The following NMNAT2 variants were observed in gnomAD, a reference collection of about 807,000 sequenced individuals.
The protein encoded by NMNAT2 is nicotinamide/nicotinic acid mononucleotide adenylyltransferase 2.
NMNAT2 carries 11 observed loss-of-function variants against 41.6 expected under a neutral mutation model. The observed-to-expected ratio is 0.26, with a 90% CI of 0.17 to 0.44. The LOEUF (loss-of-function observed/expected upper bound fraction) is 0.44. NMNAT2 is among the 20% of genes least tolerant of loss of function. The pLI is 1.00. For synonymous variants in NMNAT2, 148 were observed against 151.2 expected, an observed-to-expected ratio of 0.98 and a Z score of 0.16; for missense variants, 288 against 407.7, an observed-to-expected ratio of 0.71 and a Z score of 2.53.
At chr1:183,285,808 C>G (rs1306679751) in intron 5 of NMNAT2, among the ~76,000 whole-genome samples, 1 of 152,170 alleles carries the variant, frequency 6.6e-6, no homozygotes, top group African/African-American at 2.4e-5. Context: ...CACAGTATTA[C>G]TGCATTAAAT....
At chr1:183,278,894 G>A (rs1217001221) in intron 7 of NMNAT2, among the ~76,000 whole-genome samples, 1 of 152,192 alleles carries the variant, frequency 6.6e-6, no homozygotes, top group Non-Finnish European at 1.5e-5. Context: ...GTGATCGACT[G>A]CCCTGGCTTT....
chr1:183,251,631 T>C lies in NMNAT2; in HGVS notation c.*1010A>G, dbSNP rs1328545139. 1.3e-5 allele frequency: 2 copies of C among 152,586 alleles called. No homozygotes were observed. The highest frequency in any genetic ancestry group is 4.8e-5 in the African/African-American group (2 of 41,380). 9.5% of individuals were successfully genotyped at this position (152,586 alleles called of 1,614,324 possible). On this transcript the variant is annotated 3_prime_UTR_variant, in exon 11 of 11. Coordinates refer to ENST00000287713, the MANE Select transcript of NMNAT2 (RefSeq NM_015039.4). ...AGGTCCCTTGGAAACCCCTGGCTGG[T>C]AGGGAACCCGCACTGTGCCATCAGC...
intron 1 of NMNAT2, among the ~76,000 whole-genome samples, chr1:183,314,376 G>C (rs1339761140): frequency 1.3e-5 from 2 of 152,168 alleles, no homozygotes; most frequent in East Asian, 3.8e-4. Flanking sequence ...CTGACTTTCA[G>C]AGCTGGAATG....
intron 7 of NMNAT2, 81 bp from the exon 8 acceptor site, chr1:183,278,710 G>A: frequency 1.0e-6 from 1 of 968,666 alleles, no homozygotes; most frequent in Non-Finnish European, 1.7e-6. Context: ...TTCCCCTGGT[G>A]AATACATAAC....
chr1:183,252,514 TG>T lies in NMNAT2; in HGVS notation c.*126del, dbSNP rs563098563. The stretch of plus-strand genomic sequence containing the variant: ...GGTTCTCTGCAGGTCCCCCACACTA[TG>T]GGGGGTTAAGTCAGCAAGTAGGGAA... On this transcript the variant is annotated 3_prime_UTR_variant, in exon 11 of 11. Coordinates refer to ENST00000287713, the MANE Select transcript of NMNAT2 (RefSeq NM_015039.4). The T allele has an allele frequency of 2.9e-5, 20 of 695,028 alleles. No individual in the cohort carries two copies. The highest frequency in any genetic ancestry group is 4.2e-5 in the Non-Finnish European group (16 of 377,938). 43.1% of individuals were successfully genotyped at this position (695,028 alleles called of 1,614,324 possible). A position where few individuals can be genotyped will look rare whatever the true frequency, so the allele number is the denominator to read the frequency against.
At position 183,347,186 on chromosome 1, in the gene NMNAT2, G is replaced by A. The variant is rs180967076; in HGVS notation, c.86-53393C>T. Among the ~76,000 whole-genome samples, 63 of 152,262 alleles carry A rather than the reference G, an allele frequency of 4.1e-4. 2 individuals are homozygous for A. The East Asian group carries it at 0.011, about 27-fold the overall frequency. The stretch of plus-strand genomic sequence containing the variant: ...ATAGTACCTCCCAGCTGGGCACTGC[G>A]GTTCACGCCTGTAATCCCAGCATTT... On this transcript the variant is annotated intron_variant, in intron 1 of 10. Coordinates refer to ENST00000287713, the MANE Select transcript of NMNAT2 (RefSeq NM_015039.4).
intron 1 of NMNAT2, among the ~76,000 whole-genome samples, chr1:183,358,885 T>C (rs1663250675): frequency 6.6e-6 from 1 of 152,184 alleles, no homozygotes; most frequent in Non-Finnish European, 1.5e-5. Flanking sequence ...CCAGTCCTAC[T>C]CACTCAGGCT....
At chr1:183,264,121 T>A (rs1331971106) in intron 8 of NMNAT2, among the ~76,000 whole-genome samples, 2 of 152,128 alleles carry the variant, frequency 1.3e-5, no homozygotes, top group African/African-American at 2.4e-5. Context: ...CTAGTATAGA[T>A]TGCATAATGT....
chr1:183,284,176 G>T, intron 6 of NMNAT2, 137 bp from the exon 7 acceptor site: 1 of 692,070 alleles, frequency 1.4e-6, no homozygotes, highest in Non-Finnish European at 2.5e-6. Flanking sequence ...TGTGCCACCT[G>T]AGGAGGGTGA....
intron 1 of NMNAT2, among the ~76,000 whole-genome samples, chr1:183,349,666 G>A (rs929499798): frequency 3.9e-5 from 6 of 152,212 alleles, no homozygotes; most frequent in Non-Finnish European, 7.3e-5. Flanking sequence ...TAAAATCCAC[G>A]GCAGCAGTGG....
At chr1:183,413,763 C>G (rs537295478) in intron 1 of NMNAT2, among the ~76,000 whole-genome samples, 1 of 151,134 alleles carries the variant, frequency 6.6e-6, no homozygotes, top group East Asian at 1.9e-4. Context: ...CCCGCAACCA[C>G]GCCCAGCTAA....
intron 1 of NMNAT2, among the ~76,000 whole-genome samples, chr1:183,385,063 A>C (rs541627943): frequency 6.6e-6 from 1 of 152,022 alleles, no homozygotes; most frequent in South Asian, 2.1e-4. Context: ...AAAAAAAATT[A>C]AAAATTAAAA....
intron 1 of NMNAT2, among the ~76,000 whole-genome samples, chr1:183,357,221 T>C (rs1221134053): frequency 2.1e-5 from 2 of 96,780 alleles, no homozygotes; most frequent in Admixed American, 1.1e-4. Flanking sequence ...ATCAAATTCT[T>C]TTTTTTTTTT....
chr1:183,255,662 GTTTT>G (rs56106186), intron 10 of NMNAT2, among the ~76,000 whole-genome samples: 1 of 100,940 alleles, frequency 9.9e-6, no homozygotes, highest in African/African-American at 3.8e-5. Flanking sequence ...ATTCCTAAGG[GTTTT>G]TTTTTTTTTT....
chr1:183,304,075 T>C (rs984904271), intron 1 of NMNAT2, among the ~76,000 whole-genome samples: 1 of 152,230 alleles, frequency 6.6e-6, no homozygotes, highest in African/African-American at 2.4e-5. Flanking sequence ...CAGGCCTGTG[T>C]CTGTGACTCA....
intron 1 of NMNAT2, among the ~76,000 whole-genome samples, chr1:183,411,266 C>CT (rs1649109130): frequency 6.6e-6 from 1 of 152,146 alleles, no homozygotes; most frequent in South Asian, 2.1e-4. Context: ...GGCAGTAAGT[C>CT]TACCATAGAC....
chr1:183,357,358 T>C (rs1557888285), intron 1 of NMNAT2, among the ~76,000 whole-genome samples: 1 of 150,176 alleles, frequency 6.7e-6, no homozygotes, highest in Non-Finnish European at 1.5e-5. Flanking sequence ...GCCTCCCGAG[T>C]AGCTGGGACT....
chr1:183,287,470 T>C (rs1345418060), intron 4 of NMNAT2, among the ~76,000 whole-genome samples: 2 of 152,148 alleles, frequency 1.3e-5, no homozygotes, highest in Non-Finnish European at 2.9e-5. Flanking sequence ...TCAGTGTGAA[T>C]ACACATGACA....
chr1:183,286,372 G>A (rs1220944504), intron 5 of NMNAT2, among the ~76,000 whole-genome samples: 3 of 152,100 alleles, frequency 2.0e-5, no homozygotes, highest in Admixed American at 6.5e-5. Context: ...GATTACAGGC[G>A]TGAGCCACCA....
Sources: allele counts gnomAD v4.1 joint callset (sites outside exome capture counted in the v4.1 genomes callset), GRCh38; gene constraint gnomAD v4.1.1; transcripts MANE v1.5; gene names NCBI Gene and HGNC (gene_info 2026-07-23, HGNC 2026-07-21).